The following SBNO1 variants were observed in gnomAD, a reference collection of about 807,000 sequenced individuals.
SBNO1 encodes strawberry notch homolog 1, also known as protein strawberry notch homolog 1.
A neutral mutation model predicts 173.6 loss-of-function variants in SBNO1; 23 were observed. The observed-to-expected ratio is 0.13, with a 90% CI of 0.10 to 0.19. SBNO1 has a LOEUF of 0.19. SBNO1 is among the 10% of genes least tolerant of loss of function. The pLI is 1.00. For missense variants in SBNO1, 1,238 were observed against 1,671.2 expected (o/e 0.74, Z 4.52); for synonymous variants, 632 against 571.5 (o/e 1.11, Z -1.51).
chr12:123,334,775 C>CT (rs1871640611), intron 6 of SBNO1, among the ~76,000 whole-genome samples: 2 of 136,608 alleles, frequency 1.5e-5, no homozygotes, highest in Admixed American at 7.0e-5. Flanking sequence ...AAAAAAAGAT[C>CT]TAAAAAAACA....
chr12:123,358,415 C>T (rs1176743331), intron 1 of SBNO1, among the ~76,000 whole-genome samples: 1 of 152,116 alleles, frequency 6.6e-6, no homozygotes, highest in Non-Finnish European at 1.5e-5. Flanking sequence ...GTATCAAATG[C>T]TACCCATTAT....
intron 4 of SBNO1, among the ~76,000 whole-genome samples, chr12:123,343,570 GCT>G (rs1340682793): frequency 8.2e-6 from 1 of 122,514 alleles, no homozygotes; most frequent in Non-Finnish European, 1.6e-5. Context: ...ATGGAGTCTT[GCT>G]CTGTCGCCCA....
At position 123,291,958 on chromosome 12, in the gene SBNO1, A is replaced by C. The variant is rs2048519056; in HGVS notation, c.*3950T>G. The stretch of plus-strand genomic sequence containing the variant: ...TAGCGAGCTTGAGTTGCAGGTATTT[A>C]GGTGTGTTTCTGTCACTTAAAAGAC... On this transcript the variant is annotated 3_prime_UTR_variant, in exon 32 of 32. Coordinates refer to ENST00000602398, the MANE Select transcript of SBNO1 (RefSeq NM_001167856.3). The C allele has an allele frequency of 6.6e-6, 1 of 151,452 alleles. No homozygotes were observed. The highest frequency in any genetic ancestry group is 1.5e-5 in the Non-Finnish European group (1 of 67,872). The allele number at this position is 151,452 out of a possible 1,614,324, so 9.4% of individuals were successfully genotyped here. A position where few individuals can be genotyped will look rare whatever the true frequency, so the allele number is the denominator to read the frequency against.
Position 123,348,066 on chromosome 12 carries a change from G to C in SBNO1, c.200C>G (p.Pro67Arg). 6.2e-7 allele frequency: 1 copy of C among 1,610,908 alleles called. No homozygotes were observed. The highest frequency in any genetic ancestry group is 8.5e-7 in the Non-Finnish European group (1 of 1,177,414). Residue 67 changes from proline to arginine, a missense_variant, in exon 3 of 32, where the codon CCA (proline) becomes CGA (arginine). By Grantham distance (103) the Pro-to-Arg change is moderately radical. This residue lies in a region of SBNO1 where 287 missense variants were observed against 274.1 expected (regional missense o/e 1.05). Coordinates refer to ENST00000602398, the MANE Select transcript of SBNO1 (RefSeq NM_001167856.3). ...TAGTGCTGGAGTAGGTACAGTCTCT[G>C]GTTCTTGTTTAACAGGAACTGCTGC... ...TEAAVPVKQEPETVPTPALLN... is the reference protein window; with the variant it reads ...TEAAVPVKQERETVPTPALLN...
At chr12:123,339,839 G>A (rs963247163) in intron 5 of SBNO1, among the ~76,000 whole-genome samples, 8 of 152,048 alleles carry the variant, frequency 5.3e-5, no homozygotes, top group Non-Finnish European at 1.2e-4. Context: ...ATGGAGCCCA[G>A]ACCTACTATT....
At position 123,295,293 on chromosome 12, in the gene SBNO1, C is replaced by T. The variant is rs893490371; in HGVS notation, c.*615G>A. The T allele has an allele frequency of 4.6e-5, 7 of 152,140 alleles. No individual in the cohort carries two copies. Among genetic ancestry groups the T allele is most frequent in the African/African-American group, 1.7e-4 (7 of 41,424 alleles). 9.4% of individuals were successfully genotyped at this position (152,140 alleles called of 1,614,324 possible). A position where few individuals can be genotyped will look rare whatever the true frequency, so the allele number is the denominator to read the frequency against. On this transcript the variant is annotated 3_prime_UTR_variant, in exon 32 of 32. Transcript: ENST00000602398. ...TGCTGTACATCTAACAAATGTTTCT[C>T]TCTGTTACTCGACTCCTGTGTTAAT...
chr12:123,356,811 CCAAT>C (rs892882171), intron 1 of SBNO1, among the ~76,000 whole-genome samples: 6 of 152,184 alleles, frequency 3.9e-5, no homozygotes, highest in African/African-American at 9.7e-5. Flanking sequence ...TCCAACTTGA[CCAAT>C]CAGTTACTAA....
Position 123,322,966 on chromosome 12 carries a change from C to A in SBNO1, c.2125+714G>T, listed in dbSNP as rs537143750. Among the ~76,000 whole-genome samples the A allele has an allele frequency of 9.2e-5, 14 of 152,192 alleles. No homozygotes were observed. The South Asian group carries it at 2.9e-3, about 32-fold the overall frequency. On this transcript the variant is annotated intron_variant, in intron 16 of 31. Coordinates refer to ENST00000602398, the MANE Select transcript of SBNO1 (RefSeq NM_001167856.3). ...GCTGTCTATATATTAAAGAACAGGT[C>A]TGACAATACAAAGACACAGGTTTTA...
intron 16 of SBNO1, among the ~76,000 whole-genome samples, chr12:123,322,958 G>A (rs893689550): frequency 6.6e-6 from 1 of 151,790 alleles, no homozygotes; most frequent in African/African-American, 2.4e-5. Context: ...ATATATTAAA[G>A]AACAGGTCTG....
At position 123,327,761 on chromosome 12, in the gene SBNO1, C is replaced by G; in HGVS notation, c.1484G>C (p.Gly495Ala). 6.2e-7 allele frequency: 1 copy of G among 1,613,912 alleles called. No individual in the cohort carries two copies. The highest frequency in any genetic ancestry group is 8.5e-7 in the Non-Finnish European group (1 of 1,179,974). Reference protein sequence around the residue: ...MAYMNRLGIWGEGTPFREFSD... With the variant: ...MAYMNRLGIWAEGTPFREFSD... ...GAATTCTCTAAATGGAGTACCCTCA[C>G]CCCATATGCCAAGACGGTTCATATA... Residue 495 changes from glycine to alanine, a missense_variant, in exon 12 of 32, where the codon GGT (glycine) becomes GCT (alanine). By Grantham distance (60) the Gly-to-Ala change is moderately conservative. Around this residue, in one of 14 missense-constraint regions of SBNO1, gnomAD observed 182 missense variants for 339.9 expected, o/e 0.54. Transcript: ENST00000602398.
chr12:123,345,837 T>C (rs529834417), intron 3 of SBNO1, among the ~76,000 whole-genome samples: 1 of 151,912 alleles, frequency 6.6e-6, no homozygotes, highest in East Asian at 1.9e-4. Context: ...GCCCGGCAAA[T>C]TTTTTTTAGA....
chr12:123,309,605 T>G, intron 26 of SBNO1, 22 bp from the exon 27 acceptor site: 1 of 1,607,026 alleles, frequency 6.2e-7, no homozygotes, highest in Non-Finnish European at 8.5e-7. Flanking sequence ...AAAAGAAACA[T>G]GTAAATGTAA....
intron 17 of SBNO1, 130 bp downstream of exon 17, chr12:123,321,405 G>A: frequency 1.4e-6 from 1 of 708,096 alleles, no homozygotes; most frequent in Non-Finnish European, 2.3e-6. Flanking sequence ...TAAGCCTGGA[G>A]CTTTCCACCA....
chr12:123,342,283 A>T (rs924050234), intron 4 of SBNO1, among the ~76,000 whole-genome samples: 14 of 151,716 alleles, frequency 9.2e-5, no homozygotes, highest in Admixed American at 3.3e-4. Flanking sequence ...ATTAAAATTT[A>T]AAAAAATACA....
chr12:123,330,621 AAG>A (rs1871104214), intron 8 of SBNO1, 112 bp from the exon 9 acceptor site: 7 of 566,098 alleles, frequency 1.2e-5, no homozygotes, highest in Non-Finnish European at 2.0e-5. Flanking sequence ...AAAAAAGAAA[AAG>A]AAAATACACT....
In SBNO1 at chr12:123,294,391, T is replaced by C. The variant is rs1295283538; in HGVS notation, c.*1517A>G. On this transcript the variant is annotated 3_prime_UTR_variant, in exon 32 of 32. Coordinates refer to ENST00000602398, the MANE Select transcript of SBNO1 (RefSeq NM_001167856.3). Reference sequence around the variant, plus strand: ...TTATACCCTTTCCCTCAATGCCATCTTACATTTTAGGGATAAGTTTTAAGC... The same window carrying C: ...TTATACCCTTTCCCTCAATGCCATCCTACATTTTAGGGATAAGTTTTAAGC... The C allele has an allele frequency of 1.3e-5, 2 of 151,818 alleles. No individual in the cohort carries two copies. Among genetic ancestry groups the C allele is most frequent in the East Asian group, 1.9e-4 (1 of 5,196 alleles). The allele number at this position is 151,818 out of a possible 1,614,324, so 9.4% of individuals were successfully genotyped here.
intron 7 of SBNO1, among the ~76,000 whole-genome samples, chr12:123,333,218 G>A (rs937652439): frequency 1.3e-5 from 2 of 152,126 alleles, no homozygotes; most frequent in African/African-American, 4.8e-5. Flanking sequence ...AGGATAAATG[G>A]CTATTTTGGT....
Position 123,321,820 on chromosome 12 carries a change from A to G in SBNO1, c.2126-88T>C. ...CACATTTAGTTCATGAATTAATTCA[A>G]ATGAAAAGTGCAGAGGAAAAGTATT... On this transcript the variant is annotated intron_variant, in intron 16 of 31. Coordinates refer to ENST00000602398, the MANE Select transcript of SBNO1 (RefSeq NM_001167856.3). The G allele has an allele frequency of 5.5e-6, 6 of 1,090,094 alleles. No homozygotes were observed. The South Asian group carries it at 8.3e-5, about 15-fold the overall frequency. The allele number at this position is 1,090,094 out of a possible 1,614,324, so 67.5% of individuals were successfully genotyped here. A position where few individuals can be genotyped will look rare whatever the true frequency, so the allele number is the denominator to read the frequency against.
At chr12:123,329,211 T>C (rs973956099) in intron 9 of SBNO1, among the ~76,000 whole-genome samples, 3 of 151,774 alleles carry the variant, frequency 2.0e-5, no homozygotes, top group Non-Finnish European at 4.4e-5. Context: ...TGAAACCCCA[T>C]CCCTACAAAA....
Sources: gnomAD v4.1 joint callset for allele counts (sites outside exome capture counted in the v4.1 genomes callset) on GRCh38, gnomAD v4.1.1 for gene constraint, gnomAD v4.1.1 regional missense constraint, MANE v1.5 for transcripts, NCBI Gene and HGNC (gene_info 2026-07-23, HGNC 2026-07-21) for gene names.